GAS7: variants seen among roughly 807,000 people sequenced by gnomAD.
GAS7 encodes the protein growth arrest specific 7.
A neutral mutation model predicts 71.1 loss-of-function variants in GAS7; 28 were observed. The observed-to-expected ratio is 0.39, with a 90% CI of 0.29 to 0.54. The LOEUF (loss-of-function observed/expected upper bound fraction) is 0.54. GAS7 is among the 20% of genes least tolerant of loss of function. GAS7 has a pLI of 0.62. For missense variants in GAS7, 436 were observed against 627.8 expected (o/e 0.69, Z 3.27); for synonymous variants, 258 against 245.8 (o/e 1.05, Z -0.46).
At chr17:10,073,992 A>G (rs1004132711) in intron 1 of GAS7, among the ~76,000 whole-genome samples, 1 of 152,210 alleles carries the variant, frequency 6.6e-6, no homozygotes, top group Non-Finnish European at 1.5e-5. Flanking sequence ...GGCACCTACT[A>G]TATGTCAGGC....
chr17:10,031,444 G>A lies in GAS7; in HGVS notation c.184-11547C>T, dbSNP rs118100805. 2.9e-3 allele frequency among the ~76,000 whole-genome samples: 437 copies of A among 152,334 alleles called. 17 individuals carry two copies. In the East Asian group the frequency reaches 0.06, roughly 21 times the overall value. ...AGTCTCCGGGGGGACAAGGATTGAT[G>A]AAAAGATTTGCAAATGATCCTGCAA... On this transcript the variant is annotated intron_variant, in intron 1 of 13. Coordinates refer to ENST00000432992, the MANE Select transcript of GAS7 (RefSeq NM_201433.2).
intron 1 of GAS7, among the ~76,000 whole-genome samples, chr17:10,109,836 A>G (rs1346913431): frequency 6.6e-6 from 1 of 152,022 alleles, no homozygotes; most frequent in African/African-American, 2.4e-5. Flanking sequence ...CGGGTGGATC[A>G]TGAGGTCAGG....
chr17:10,158,782 C>T (rs2074225980), intron 1 of GAS7, among the ~76,000 whole-genome samples: 1 of 151,484 alleles, frequency 6.6e-6, no homozygotes, highest in Non-Finnish European at 1.5e-5. Flanking sequence ...AGGCCAAGCA[C>T]AGTGGGGCAC....
intron 1 of GAS7, among the ~76,000 whole-genome samples, chr17:10,145,455 T>C (rs946802119): frequency 3.3e-5 from 5 of 152,152 alleles, no homozygotes; most frequent in African/African-American, 1.2e-4. Context: ...AAGTTAGCTC[T>C]AGGAAGGAGG....
chr17:10,057,048 G>A (rs937154600), intron 1 of GAS7, among the ~76,000 whole-genome samples: 5 of 152,050 alleles, frequency 3.3e-5, no homozygotes, highest in Admixed American at 6.5e-5. Context: ...TGCCAGCCTC[G>A]GCCTCCCGAG....
chr17:10,014,713 T>C (rs772671093), intron 2 of GAS7, among the ~76,000 whole-genome samples: 3 of 152,150 alleles, frequency 2.0e-5, no homozygotes, highest in African/African-American at 7.2e-5. Flanking sequence ...GTAACACTTA[T>C]AGGTTTATAT....
At chr17:9,972,203 G>C (rs1200747743) in intron 3 of GAS7, among the ~76,000 whole-genome samples, 2 of 152,324 alleles carry the variant, frequency 1.3e-5, no homozygotes, top group Non-Finnish European at 2.9e-5. Context: ...CATCCCTCAG[G>C]CAGCTGGCCA....
chr17:10,094,376 A>G (rs1438362755), intron 1 of GAS7, among the ~76,000 whole-genome samples: 1 of 152,188 alleles, frequency 6.6e-6, no homozygotes, highest in African/African-American at 2.4e-5. Context: ...AAAAGAATAC[A>G]GGTCATAAGG....
chr17:10,088,510 G>C (rs2073546620), intron 1 of GAS7, among the ~76,000 whole-genome samples: 1 of 152,104 alleles, frequency 6.6e-6, no homozygotes, highest in South Asian at 2.1e-4. Context: ...TCTGACTCTT[G>C]TTAAATCTGT....
chr17:10,057,712 A>G (rs1476658826), intron 1 of GAS7, among the ~76,000 whole-genome samples: 10 of 151,644 alleles, frequency 6.6e-5, no homozygotes, highest in Non-Finnish European at 1.3e-4. Context: ...GGAAGTGAGG[A>G]GCCCCTCTGC....
At chr17:10,166,225 C>A (rs1356386199) in intron 1 of GAS7, among the ~76,000 whole-genome samples, 4 of 151,940 alleles carry the variant, frequency 2.6e-5, no homozygotes, top group African/African-American at 9.7e-5. Flanking sequence ...GGTCTCACTA[C>A]GTTGCCCAGG....
At chr17:10,073,029 T>G (rs1197669604) in intron 1 of GAS7, among the ~76,000 whole-genome samples, 1 of 152,056 alleles carries the variant, frequency 6.6e-6, no homozygotes, top group Admixed American at 6.6e-5. Context: ...ATAGAAAAGG[T>G]GGCCCTCCCC....
intron 1 of GAS7, among the ~76,000 whole-genome samples, chr17:10,082,066 C>G (rs2073462368): frequency 6.6e-6 from 1 of 152,112 alleles, no homozygotes; most frequent in Admixed American, 6.6e-5. Context: ...TGAACTAGCT[C>G]TACATGCACC....
intron 1 of GAS7, among the ~76,000 whole-genome samples, chr17:10,076,913 C>A (rs1458636164): frequency 6.6e-6 from 1 of 152,190 alleles, no homozygotes; most frequent in Non-Finnish European, 1.5e-5. Flanking sequence ...TTACATTTCA[C>A]CTGTTTTACC....
chr17:10,028,622 T>C (rs561846311), intron 1 of GAS7, among the ~76,000 whole-genome samples: 4 of 150,378 alleles, frequency 2.7e-5, no homozygotes, highest in Admixed American at 6.6e-5. Flanking sequence ...CAGGAAGATA[T>C]GACATTATGA....
At chr17:10,088,527 C>T (rs558485128) in intron 1 of GAS7, among the ~76,000 whole-genome samples, 2 of 152,212 alleles carry the variant, frequency 1.3e-5, no homozygotes, top group South Asian at 4.1e-4. Context: ...CTGTGCAGCC[C>T]GGGCAGGAGG....
intron 1 of GAS7, among the ~76,000 whole-genome samples, chr17:10,079,908 A>G (rs2073439372): frequency 6.6e-6 from 1 of 152,250 alleles, no homozygotes; most frequent in African/African-American, 2.4e-5. Context: ...CTATGAGTAA[A>G]TATAACTAAA....
intron 1 of GAS7, among the ~76,000 whole-genome samples, chr17:10,098,450 G>A (rs2152259906): frequency 6.6e-6 from 1 of 152,366 alleles, no homozygotes; most frequent in African/African-American, 2.4e-5. Context: ...AGGATGCAGG[G>A]TGATGAGGTG....
intron 7 of GAS7, among the ~76,000 whole-genome samples, chr17:9,942,857 A>C (rs1419092954): frequency 6.6e-6 from 1 of 151,930 alleles, no homozygotes; most frequent in African/African-American, 2.4e-5. Context: ...CTGCTCTTTC[A>C]AGGTGTGCTA....
Sources: allele counts gnomAD v4.1 joint callset (sites outside exome capture counted in the v4.1 genomes callset), GRCh38; gene constraint gnomAD v4.1.1; transcripts MANE v1.5; gene names NCBI Gene and HGNC (gene_info 2026-07-23, HGNC 2026-07-21).